The following GYPE variants were observed in gnomAD, a reference collection of about 807,000 sequenced individuals.
GYPE encodes glycophorin-E.
GYPE carries 8 observed loss-of-function variants against 11.6 expected under a neutral mutation model. That is an observed-to-expected ratio of 0.69 (90% CI 0.41 to 1.25). The LOEUF is 1.25. Among genes scored for constraint, GYPE ranks in the 50% most tolerant of loss-of-function variants. GYPE has a pLI of 0.01. For synonymous variants in GYPE, 28 were observed against 29.6 expected, an observed-to-expected ratio of 0.94 and a Z score of 0.18; for missense variants, 90 against 92.8, an observed-to-expected ratio of 0.97 and a Z score of 0.12.
chr4:143,903,276 C>CA (rs1214872107), intron 1 of GYPE, among the ~76,000 whole-genome samples: 2 of 149,886 alleles, frequency 1.3e-5, no homozygotes, highest in African/African-American at 2.5e-5. Flanking sequence ...CCACTGTGCC[C>CA]AACCTCCGTG....
intron 1 of GYPE, among the ~76,000 whole-genome samples, chr4:143,892,189 T>C (rs1239870673): frequency 2.6e-5 from 4 of 152,174 alleles, no homozygotes; most frequent in African/African-American, 7.2e-5. Flanking sequence ...ATCTATTTGA[T>C]TCTTCTCTCT....
chr4:143,902,989 C>T (rs528954942), intron 1 of GYPE, among the ~76,000 whole-genome samples: 33 of 152,122 alleles, frequency 2.2e-4, no homozygotes, highest in African/African-American at 8.0e-4. Flanking sequence ...ACTAACTTAC[C>T]TCCTGTTTCA....
chr4:143,880,705 C>A (rs529769107), intron 1 of GYPE, among the ~76,000 whole-genome samples, 196 bp from the exon 2 acceptor site: 1 of 152,222 alleles, frequency 6.6e-6, no homozygotes, highest in Non-Finnish European at 1.5e-5. Context: ...AATTAAGGGG[C>A]CAGAAGCCCC....
chr4:143,894,553 G>A (rs1007797772), intron 1 of GYPE, among the ~76,000 whole-genome samples: 6 of 152,042 alleles, frequency 3.9e-5, no homozygotes, highest in African/African-American at 1.4e-4. Flanking sequence ...CTGCAGGTCT[G>A]TCGGAGTTTG....
chr4:143,873,560 T>G, intron 3 of GYPE: 1 of 428,144 alleles, frequency 2.3e-6, no homozygotes, highest in Non-Finnish European at 4.7e-6. Flanking sequence ...TTCTCTAATA[T>G]ATGATGCTCT....
chr4:143,901,293 C>A (rs1320800776), intron 1 of GYPE, among the ~76,000 whole-genome samples: 2 of 152,006 alleles, frequency 1.3e-5, no homozygotes, highest in Non-Finnish European at 2.9e-5. Flanking sequence ...GACCAACGTA[C>A]AAAAATGAAA....
In GYPE at chr4:143,900,676, C is replaced by T. The variant is rs576013680; in HGVS notation, c.37+4795G>A. On this transcript the variant is annotated intron_variant, in intron 1 of 3. Coordinates refer to ENST00000358615, the MANE Select transcript of GYPE (RefSeq NM_198682.3). ...ATAAAAGGAATGAAATACTGATACA[C>T]GCTACAATATGGATGAACTTTAAAC... is the stretch of plus-strand genomic sequence containing the variant. Among the ~76,000 whole-genome samples, 11 of 151,900 alleles carry T rather than the reference C, an allele frequency of 7.2e-5. No individual in the cohort carries two copies. The East Asian group carries it at 9.7e-4, about 13-fold the overall frequency.
intron 3 of GYPE, among the ~76,000 whole-genome samples, chr4:143,875,808 T>C (rs1417935428): frequency 1.3e-5 from 2 of 151,808 alleles, no homozygotes; most frequent in Non-Finnish European, 2.9e-5. Context: ...ATCTCTGCTA[T>C]TAAAAAAATA....
At chr4:143,882,549 CA>C (rs1444714492) in intron 1 of GYPE, among the ~76,000 whole-genome samples, 1 of 151,502 alleles carries the variant, frequency 6.6e-6, no homozygotes, top group African/African-American at 2.4e-5. Flanking sequence ...AATAACAAGC[CA>C]AAAAAAATCA....
chr4:143,879,690 C>T (rs560495436), intron 2 of GYPE, among the ~76,000 whole-genome samples: 3 of 152,084 alleles, frequency 2.0e-5, no homozygotes, highest in African/African-American at 4.8e-5. Context: ...ATATGTGTCC[C>T]GTTTGTGCTT....
chr4:143,878,381 C>T (rs918739128), intron 2 of GYPE, among the ~76,000 whole-genome samples: 2 of 152,206 alleles, frequency 1.3e-5, no homozygotes, highest in African/African-American at 4.8e-5. Context: ...AGCGATTAGC[C>T]AGGCTTGGCC....
rs747618657 is a variant in GYPE, at chr4:143,891,329, C to CTT, written c.38-10822_38-10821dup. On this transcript the variant is annotated intron_variant, in intron 1 of 3. Coordinates refer to ENST00000358615, the MANE Select transcript of GYPE (RefSeq NM_198682.3). ...ATTATTATTTTGATTTTTTTTGTTT[C>CTT]TTTTTTTTTTTTTTTTTGAGACAGA... Among the ~76,000 whole-genome samples, 78 of 117,892 alleles carry CTT rather than the reference C, an allele frequency of 6.6e-4. 3 individuals carry two copies. The highest frequency in any genetic ancestry group is 1.6e-3 in the African/African-American group (51 of 32,600). 77.3% of individuals were successfully genotyped at this position (117,892 alleles called of 152,430 possible). A position where few individuals can be genotyped will look rare whatever the true frequency, so the allele number is the denominator to read the frequency against.
At position 143,872,127 on chromosome 4, in the gene GYPE, C is replaced by T. The variant is rs1270685354; in HGVS notation, c.*135G>A. The T allele has an allele frequency of 1.3e-5, 2 of 152,498 alleles. No individual in the cohort carries two copies. Among genetic ancestry groups the T allele is most frequent in the African/African-American group, 4.8e-5 (2 of 41,422 alleles). The allele number at this position is 152,498 out of a possible 1,614,324, so 9.4% of individuals were successfully genotyped here. ...TCTGACTCCTAGAGTCCCTTAGTAG[C>T]CAGTCAACGTAAGCCAAGTTAGTAG... On this transcript the variant is annotated 3_prime_UTR_variant, in exon 4 of 4. Transcript: ENST00000358615.
At chr4:143,905,267 T>C (rs951494201) in intron 1 of GYPE, among the ~76,000 whole-genome samples, 5 of 152,170 alleles carry the variant, frequency 3.3e-5, no homozygotes, top group Non-Finnish European at 7.4e-5. Context: ...GAAAACTGGA[T>C]TCGGCCATAA....
chr4:143,900,189 GAGA>G (rs1744807617), intron 1 of GYPE, among the ~76,000 whole-genome samples: 1 of 148,496 alleles, frequency 6.7e-6, no homozygotes, highest in African/African-American at 2.5e-5. Context: ...ACAACTACAT[GAGA>G]AGATTCTCAG....
intron 1 of GYPE, among the ~76,000 whole-genome samples, chr4:143,887,719 G>C (rs76680050): frequency 7.3e-6 from 1 of 137,728 alleles, no homozygotes; most frequent in Non-Finnish European, 1.6e-5. Context: ...AGATTGATAA[G>C]AGTTTAATGA....
At chr4:143,886,438 C>T (rs1390647360) in intron 1 of GYPE, among the ~76,000 whole-genome samples, 2 of 118,394 alleles carry the variant, frequency 1.7e-5, no homozygotes, top group Non-Finnish European at 1.8e-5. Context: ...CTTAAAATCA[C>T]CAAGAATGTT....
intron 1 of GYPE, among the ~76,000 whole-genome samples, chr4:143,904,033 A>G (rs1744968283): frequency 1.3e-5 from 2 of 152,112 alleles, no homozygotes; most frequent in Non-Finnish European, 2.9e-5. Flanking sequence ...CAAATATTAC[A>G]CTACATCCCT....
chr4:143,893,798 CT>C (rs762732732), intron 1 of GYPE, among the ~76,000 whole-genome samples: 2 of 151,996 alleles, frequency 1.3e-5, no homozygotes, highest in Non-Finnish European at 2.9e-5. Context: ...CTTGGAGTTG[CT>C]TTTCTCGAGG....
Sources: allele counts gnomAD v4.1 joint callset (sites outside exome capture counted in the v4.1 genomes callset), GRCh38; gene constraint gnomAD v4.1.1; transcripts MANE v1.5; gene names NCBI Gene and HGNC (gene_info 2026-07-23, HGNC 2026-07-21).